Variants in SLC15A1 observed in about 807,000 individuals in gnomAD.
SLC15A1 encodes the protein Caco-2 oligopeptide transporter.
In SLC15A1, 83 loss-of-function variants were observed where a neutral mutation model predicts 92.9. That is an observed-to-expected ratio of 0.89 (90% CI 0.75 to 1.07). SLC15A1 has a LOEUF of 1.07. SLC15A1 is among the 50% of genes least tolerant of loss of function. The pLI is 0.00. For missense variants in SLC15A1, 857 were observed against 880.1 expected (o/e 0.97, Z 0.33); for synonymous variants, 322 against 318.2 (o/e 1.01, Z -0.13).
At chr13:98,708,589 G>A in intron 15 of SLC15A1, 97 bp downstream of exon 15, 1 of 1,031,988 alleles carries the variant, frequency 9.7e-7, no homozygotes, top group Non-Finnish European at 1.4e-6. Context: ...AAAGACCTTG[G>A]CCTCCCCTAA....
chr13:98,712,758 AAG>A (rs1387734730), intron 9 of SLC15A1, among the ~76,000 whole-genome samples, 174 bp from the exon 10 acceptor site: 1 of 152,192 alleles, frequency 6.6e-6, no homozygotes, highest in African/African-American at 2.4e-5. Context: ...CTGTCCAACT[AAG>A]AGCGTTTGAG....
At chr13:98,712,937 C>A (rs913014109) in intron 9 of SLC15A1, among the ~76,000 whole-genome samples, 16 of 152,218 alleles carry the variant, frequency 1.1e-4, no homozygotes, top group African/African-American at 3.4e-4. Flanking sequence ...ACATGATAAA[C>A]CCCACTATGA....
At chr13:98,711,555 T>C (rs1327403576) in intron 11 of SLC15A1, among the ~76,000 whole-genome samples, 2 of 152,220 alleles carry the variant, frequency 1.3e-5, no homozygotes, top group Admixed American at 6.5e-5. Flanking sequence ...TCAGTTTTGA[T>C]TGGAAGAGTG....
At chr13:98,710,184 G>C (rs1385166882) in intron 11 of SLC15A1, among the ~76,000 whole-genome samples, 2 of 152,148 alleles carry the variant, frequency 1.3e-5, no homozygotes, top group Non-Finnish European at 2.9e-5. Flanking sequence ...GCTATCCCTA[G>C]GAAATACAAA....
chr13:98,718,384 A>G (rs939734564), intron 8 of SLC15A1, among the ~76,000 whole-genome samples: 14 of 135,288 alleles, frequency 1.0e-4, no homozygotes, highest in African/African-American at 3.9e-4. Context: ...TTATGGTGCA[A>G]TCATGGCTCA....
intron 2 of SLC15A1, 196 bp from the exon 3 acceptor site, chr13:98,726,645 G>C (rs1039057108): frequency 6.8e-6 from 5 of 739,286 alleles, no homozygotes; most frequent in Non-Finnish European, 1.2e-5. Context: ...ATGAAATAAA[G>C]CATCCAGTGG....
chr13:98,734,413 C>T (rs2088374027), intron 1 of SLC15A1, among the ~76,000 whole-genome samples: 2 of 152,288 alleles, frequency 1.3e-5, no homozygotes, highest in African/African-American at 4.8e-5. Flanking sequence ...GAACCTGGTT[C>T]ATCTCACTGG....
intron 1 of SLC15A1, among the ~76,000 whole-genome samples, chr13:98,742,206 C>T (rs1417770222): frequency 1.3e-5 from 2 of 152,206 alleles, no homozygotes; most frequent in East Asian, 3.9e-4. Context: ...GCCCAGCACC[C>T]TCACAAGAGA....
intron 18 of SLC15A1, among the ~76,000 whole-genome samples, chr13:98,697,306 G>A (rs927746804): frequency 2.0e-5 from 3 of 152,098 alleles, no homozygotes; most frequent in African/African-American, 7.2e-5. Context: ...TGCCTGCCTC[G>A]CCTTCCCAAA....
In SLC15A1 at chr13:98,739,171, T is replaced by C. The variant is rs529150889; in HGVS notation, c.5-12312A>G. On this transcript the variant is annotated intron_variant, in intron 1 of 22. Transcript: ENST00000376503. ...TGTTTACCCAATGCCTATACTCCCA[T>C]TGTATCTTAGAGTAACTTGTTTTTG... Among the ~76,000 whole-genome samples the C allele has an allele frequency of 4.6e-5, 7 of 152,348 alleles. No individual in the cohort carries two copies. In the East Asian group the frequency reaches 1.2e-3, roughly 25 times the overall value.
At chr13:98,708,834 C>T in intron 14 of SLC15A1, 67 bp from the exon 15 acceptor site, 1 of 1,137,314 alleles carries the variant, frequency 8.8e-7, no homozygotes, top group Non-Finnish European at 1.2e-6. Context: ...AAACCCCCAC[C>T]CCCACCATCC....
intron 1 of SLC15A1, among the ~76,000 whole-genome samples, chr13:98,745,374 T>A (rs943850377): frequency 1.3e-5 from 2 of 152,220 alleles, no homozygotes; most frequent in Non-Finnish European, 2.9e-5. Context: ...TCTGTTACCA[T>A]GTCGGGGTGT....
chr13:98,721,673 GT>G lies in SLC15A1; in HGVS notation c.466-89del. 11 of 1,258,748 alleles carry G rather than the reference GT, an allele frequency of 8.7e-6. No homozygotes were observed. In the South Asian group the frequency reaches 1.4e-4, roughly 16 times the overall value. 78.0% of individuals were successfully genotyped at this position (1,258,748 alleles called of 1,614,324 possible). On this transcript the variant is annotated intron_variant, in intron 6 of 22. Transcript: ENST00000376503. ...ATGATCTCATTTTACTACTAACTTAGTTTTGGTTGGTATCTTACTTTCTAAT... is the reference window on the plus strand; with the variant it reads ...ATGATCTCATTTTACTACTAACTTAGTTTGGTTGGTATCTTACTTTCTAAT...
chr13:98,750,401 G>A lies in SLC15A1; in HGVS notation c.4+2194C>T, dbSNP rs567956186. ...TCTGGGATTACAGGTGTGAGCCACCGCGCCCAGCCCCAAAGCAACTTCTAT... is the reference window on the plus strand; with the variant it reads ...TCTGGGATTACAGGTGTGAGCCACCACGCCCAGCCCCAAAGCAACTTCTAT... On this transcript the variant is annotated intron_variant, in intron 1 of 22. Coordinates refer to ENST00000376503, the MANE Select transcript of SLC15A1 (RefSeq NM_005073.4). Among the ~76,000 whole-genome samples, 10 of 152,210 alleles carry A rather than the reference G, an allele frequency of 6.6e-5. No individual in the cohort carries two copies. The South Asian group carries it at 1.9e-3, about 28-fold the overall frequency.
At chr13:98,713,439 A>G (rs1190199210) in intron 9 of SLC15A1, among the ~76,000 whole-genome samples, 1 of 152,116 alleles carries the variant, frequency 6.6e-6, no homozygotes, top group East Asian at 1.9e-4. Context: ...TGTTTGAAAA[A>G]CCAGATTTAC....
chr13:98,749,397 G>C (rs987086741), intron 1 of SLC15A1, among the ~76,000 whole-genome samples: 3 of 152,318 alleles, frequency 2.0e-5, no homozygotes, highest in Admixed American at 2.0e-4. Flanking sequence ...TTGGCAGATA[G>C]AGGCAGGTGC....
In SLC15A1 at chr13:98,721,797, C is replaced by A. The variant is rs757618148; in HGVS notation, c.465+7G>T. 8.3e-5 allele frequency: 134 copies of A among 1,613,312 alleles called. No individual in the cohort carries two copies. The highest frequency in any genetic ancestry group is 1.1e-4 in the Non-Finnish European group (128 of 1,179,486). On this transcript the variant is annotated splice_region_variant and intron_variant, in intron 6 of 22. Transcript: ENST00000376503. ...CACGTGGGCTCTGGGGAGGCCCCTA[C>A]CCTTACCTGGCCCTCTTCAAACTGA... is the stretch of plus-strand genomic sequence containing the variant.
In SLC15A1 at chr13:98,704,375, CAGG is replaced by C. The variant is rs761713458; in HGVS notation, c.1327_1329del (p.Pro443del). 6.2e-7 allele frequency: 1 copy of C among 1,613,884 alleles called. No individual in the cohort carries two copies. The highest frequency in any genetic ancestry group is 8.5e-7 in the Non-Finnish European group (1 of 1,179,934). On this transcript the variant is annotated inframe_deletion, in exon 17 of 23. Transcript: ENST00000376503. ...TCAGTTACAGCAGTGACTGGTGATC[CAGG>C]AGAAGAAATGTTTATCCTTGTCAGT...
chr13:98,752,130 A>G (rs1294346258), intron 1 of SLC15A1, among the ~76,000 whole-genome samples: 5 of 152,204 alleles, frequency 3.3e-5, no homozygotes, highest in Non-Finnish European at 5.9e-5. Flanking sequence ...GGCCACAAAG[A>G]GAGGCCCCAT....
Sources: gnomAD v4.1 joint callset for allele counts (sites outside exome capture counted in the v4.1 genomes callset) on GRCh38, gnomAD v4.1.1 for gene constraint, MANE v1.5 for transcripts, NCBI Gene and HGNC (gene_info 2026-07-23, HGNC 2026-07-21) for gene names.